Variants in GABRG3 observed in about 807,000 individuals in gnomAD.
GABRG3 encodes the protein gamma-aminobutyric acid receptor subunit gamma-3.
Under a neutral mutation model 48.8 loss-of-function variants are expected in GABRG3, and 25 were observed. The ratio of observed to expected loss-of-function variants is 0.51; its 90% confidence interval spans 0.37 to 0.72. The LOEUF is 0.72. Among genes scored for constraint, GABRG3 ranks in the 30% least tolerant of loss-of-function variants. The pLI, the probability that GABRG3 is intolerant of heterozygous loss-of-function variation, is 0.00. For synonymous variants in GABRG3, 227 were observed against 217.6 expected (o/e 1.04, Z -0.38); for missense variants, 394 against 577.9 (o/e 0.68, Z 3.26).
chr15:27,501,159 A>T (rs113252093), intron 6 of GABRG3, among the ~76,000 whole-genome samples: 2 of 151,910 alleles, frequency 1.3e-5, no homozygotes, highest in Non-Finnish European at 2.9e-5. Context: ...CACCGTGTTA[A>T]CCAGGATGGT....
intron 3 of GABRG3, among the ~76,000 whole-genome samples, chr15:27,306,905 A>G (rs1426791595): frequency 8.8e-6 from 1 of 113,466 alleles, no homozygotes; most frequent in Non-Finnish European, 1.7e-5. Context: ...ACATGTTTAT[A>G]TATAAACATA....
chr15:27,425,057 G>A, intron 5 of GABRG3, among the ~76,000 whole-genome samples: 1 of 152,128 alleles, frequency 6.6e-6, no homozygotes, highest in Non-Finnish European at 1.5e-5. Context: ...CAAGGCCCAG[G>A]TGAGCTTCCC....
chr15:27,209,568 C>T (rs548968788), intron 3 of GABRG3, among the ~76,000 whole-genome samples: 1 of 152,248 alleles, frequency 6.6e-6, no homozygotes, highest in East Asian at 1.9e-4. Context: ...AAGGAAAGGC[C>T]CCAGTACCCA....
intron 3 of GABRG3, among the ~76,000 whole-genome samples, chr15:27,281,580 T>C (rs953288563): frequency 1.3e-5 from 2 of 151,728 alleles, no homozygotes; most frequent in Non-Finnish European, 2.9e-5. Context: ...ATGATACATA[T>C]ACAACTTTTC....
At chr15:26,985,512 T>A (rs1895134997) in intron 2 of GABRG3, among the ~76,000 whole-genome samples, 1 of 152,196 alleles carries the variant, frequency 6.6e-6, no homozygotes, top group South Asian at 2.1e-4. Context: ...ATGCAGCTCC[T>A]TGATGTCTTT....
In GABRG3 at chr15:27,082,853, C is replaced by T. The variant is rs1484635698; in HGVS notation, c.270+56032C>T. ...TTGATGCTTGCTAGAGCTCTGTTCC[C>T]TGAGGGACCTGCTCCCGCTTCTCTG... On this transcript the variant is annotated intron_variant, in intron 3 of 9. Transcript: ENST00000615808. 3.3e-5 allele frequency among the ~76,000 whole-genome samples: 5 copies of T among 152,166 alleles called. No homozygotes were observed. The South Asian group carries it at 6.2e-4, about 19-fold the overall frequency.
chr15:27,039,223 A>G (rs1595487587), intron 3 of GABRG3, among the ~76,000 whole-genome samples: 1 of 152,342 alleles, frequency 6.6e-6, no homozygotes, highest in Non-Finnish European at 1.5e-5. Flanking sequence ...AATTCTTGCC[A>G]GACTGACTTA....
rs150395814 is a variant in GABRG3, at chr15:27,069,190, C to T, written c.270+42369C>T. ...TGGGTCTGCTCACAGAACCCTCAAG[C>T]TGCTCAGTGCTTCTTAACAATGAGT... On this transcript the variant is annotated intron_variant, in intron 3 of 9. Transcript: ENST00000615808. Among the ~76,000 whole-genome samples, 186 of 152,328 alleles carry T rather than the reference C, an allele frequency of 1.2e-3. 1 individual carries two copies. Among genetic ancestry groups the T allele is most frequent in the African/African-American group, 4.0e-3 (165 of 41,564 alleles).
At chr15:27,268,748 T>C (rs2078238971) in intron 3 of GABRG3, among the ~76,000 whole-genome samples, 1 of 95,446 alleles carries the variant, frequency 1.0e-5, no homozygotes, top group Non-Finnish European at 2.6e-5. Context: ...TTTATCTCTG[T>C]GCAGTTTGCC....
At chr15:27,119,655 G>A (rs1897698840) in intron 3 of GABRG3, among the ~76,000 whole-genome samples, 1 of 152,128 alleles carries the variant, frequency 6.6e-6, no homozygotes, top group Admixed American at 6.5e-5. Flanking sequence ...GTCTCAAATG[G>A]GGATGAATGT....
At chr15:27,427,334 T>A (rs1446435568) in intron 5 of GABRG3, among the ~76,000 whole-genome samples, 1 of 152,204 alleles carries the variant, frequency 6.6e-6, no homozygotes, top group Non-Finnish European at 1.5e-5. Context: ...TAAAGCCTAA[T>A]GAAGTTGGCA....
intron 2 of GABRG3, among the ~76,000 whole-genome samples, chr15:27,005,081 ATTGGGGGTACAGGTGGT>A (rs1895556941): frequency 6.6e-6 from 1 of 152,188 alleles, no homozygotes. Context: ...TCTGTAAGTT[ATTGGGGGTACAGGTGGT>A]ATAACAGTTT....
rs182553287 is a variant in GABRG3, at chr15:27,446,566, A to T, written c.575-34084A>T. 5.3e-3 allele frequency among the ~76,000 whole-genome samples: 800 copies of T among 152,300 alleles called. 5 individuals are homozygous for T. Among genetic ancestry groups the T allele is most frequent in the Non-Finnish European group, 9.7e-3 (660 of 68,018 alleles). ...ATAAAAATTTCTAGCAGAAAAAAAA[A>T]TTTTGTAGTTTTCAGAGTATAAAAT... On this transcript the variant is annotated intron_variant, in intron 5 of 9. Transcript: ENST00000615808.
chr15:27,069,423 A>G (rs1278102378), intron 3 of GABRG3, among the ~76,000 whole-genome samples: 1 of 152,182 alleles, frequency 6.6e-6, no homozygotes, highest in African/African-American at 2.4e-5. Flanking sequence ...AGTTACATGA[A>G]AAAGTTCTAA....
intron 9 of GABRG3, among the ~76,000 whole-genome samples, chr15:27,531,136 G>T (rs533349105): frequency 6.6e-6 from 1 of 152,108 alleles, no homozygotes; most frequent in East Asian, 1.9e-4. Flanking sequence ...GTGGGCAGCC[G>T]CACCGTGAGG....
chr15:27,206,430 T>G (rs889207015), intron 3 of GABRG3, among the ~76,000 whole-genome samples: 6 of 152,332 alleles, frequency 3.9e-5, no homozygotes, highest in Middle Eastern at 3.4e-3. Flanking sequence ...GCTGGTATGA[T>G]TTCGTTTTTT....
chr15:27,310,947 T>G (rs756402678), intron 3 of GABRG3, among the ~76,000 whole-genome samples: 1 of 152,172 alleles, frequency 6.6e-6, no homozygotes, highest in Non-Finnish European at 1.5e-5. Flanking sequence ...TGTCCTCTAC[T>G]TCACACAACA....
rs573214998 is a variant in GABRG3 at position 27,447,236 on chromosome 15, A to T, written c.575-33414A>T. ...GAGACATAATTATAGGCAAAATCAGAGTCAAAAGAGACAGGCATGTCCCAG... is the reference window on the plus strand; with the variant it reads ...GAGACATAATTATAGGCAAAATCAGTGTCAAAAGAGACAGGCATGTCCCAG... On this transcript the variant is annotated intron_variant, in intron 5 of 9. Coordinates refer to ENST00000615808, the MANE Select transcript of GABRG3 (RefSeq NM_033223.5). This position sits in a 1 kb window ranked among gnomAD's most constrained non-coding sequence, Gnocchi z 4.0. 6.6e-6 allele frequency among the ~76,000 whole-genome samples: 1 copy of T among 152,286 alleles called. No homozygotes were observed. Among genetic ancestry groups the T allele is most frequent in the Admixed American group, 6.5e-5 (1 of 15,298 alleles).
chr15:27,103,367 G>A (rs1378419191), intron 3 of GABRG3, among the ~76,000 whole-genome samples: 1 of 152,148 alleles, frequency 6.6e-6, no homozygotes, highest in African/African-American at 2.4e-5. Flanking sequence ...AAGTAGGAGT[G>A]TCTGAACCAC....
Sources: gnomAD v4.1 joint callset for allele counts (sites outside exome capture counted in the v4.1 genomes callset) on GRCh38, gnomAD v4.1.1 for gene constraint, Gnocchi (gnomAD v3.1) non-coding constraint, MANE v1.5 for transcripts, NCBI Gene and HGNC (gene_info 2026-07-23, HGNC 2026-07-21) for gene names.